SUFU: variants seen among roughly 807,000 people sequenced by gnomAD.
SUFU encodes SUFU negative regulator of hedgehog signaling.
A neutral mutation model predicts 58.9 loss-of-function variants in SUFU; 7 were observed. That is an observed-to-expected ratio of 0.12 (90% CI 0.07 to 0.22). SUFU has a LOEUF of 0.22. Among genes scored for constraint, SUFU ranks in the 10% least tolerant of loss-of-function variants. The pLI is 1.00. For synonymous variants in SUFU, 232 were observed against 254.8 expected, an observed-to-expected ratio of 0.91 and a Z score of 0.85; for missense variants, 451 against 641.3, an observed-to-expected ratio of 0.70 and a Z score of 3.20.
At position 102,630,226 on chromosome 10, in the gene SUFU, T is replaced by A; in HGVS notation, c.*71T>A. 8.1e-7 allele frequency: 1 copy of A among 1,233,142 alleles called. No individual in the cohort carries two copies. Among genetic ancestry groups the A allele is most frequent in the Admixed American group, 1.8e-5 (1 of 56,432 alleles). 76.4% of individuals were successfully genotyped at this position (1,233,142 alleles called of 1,614,324 possible). A position where few individuals can be genotyped will look rare whatever the true frequency, so the allele number is the denominator to read the frequency against. On this transcript the variant is annotated 3_prime_UTR_variant, in exon 12 of 12. Coordinates refer to ENST00000369902, the MANE Select transcript of SUFU (RefSeq NM_016169.4). ...CCAGTGACTTCCAGTGTAACAGTTGTGTCAACGAGATCTCCACAAATAAAA... is the reference window on the plus strand; with the variant it reads ...CCAGTGACTTCCAGTGTAACAGTTGAGTCAACGAGATCTCCACAAATAAAA...
intron 2 of SUFU, among the ~76,000 whole-genome samples, chr10:102,511,370 C>G: frequency 6.6e-6 from 1 of 151,588 alleles, no homozygotes; most frequent in Admixed American, 6.6e-5. Context: ...CTTTTTTGCC[C>G]CTTATACCAT....
intron 2 of SUFU, among the ~76,000 whole-genome samples, chr10:102,523,320 C>T (rs2062572581): frequency 6.6e-6 from 1 of 152,156 alleles, no homozygotes; most frequent in African/African-American, 2.4e-5. Context: ...TACCTGGGGC[C>T]TCTTGGAGCC....
At chr10:102,620,682 G>T (rs1053226214) in intron 10 of SUFU, among the ~76,000 whole-genome samples, 32 of 152,172 alleles carry the variant, frequency 2.1e-4, no homozygotes, top group African/African-American at 5.3e-4. Context: ...CAGACCCTGG[G>T]AGGGGGCCTG....
intron 6 of SUFU, among the ~76,000 whole-genome samples, chr10:102,595,202 G>A (rs2063449143): frequency 6.6e-6 from 1 of 152,234 alleles, no homozygotes; most frequent in Non-Finnish European, 1.5e-5. Context: ...AGTTCCATGT[G>A]TTAGAGCAAG....
chr10:102,504,126 C>G lies in SUFU; in HGVS notation c.-27C>G. On this transcript the variant is annotated 5_prime_UTR_variant, in exon 1 of 12. Transcript: ENST00000369902. ...TCCCCGTCGTTTGCCCTCTCCAGTT[C>G]CCCCAGTGCCTGCCCTACGCACCCC... is the stretch of plus-strand genomic sequence containing the variant. 1 of 1,530,452 alleles carries G rather than the reference C, an allele frequency of 6.5e-7. No homozygotes were observed. The highest frequency in any genetic ancestry group is 8.8e-7 in the Non-Finnish European group (1 of 1,142,288). The allele number at this position is 1,530,452 out of a possible 1,614,324, so 94.8% of individuals were successfully genotyped here. A position where few individuals can be genotyped will look rare whatever the true frequency, so the allele number is the denominator to read the frequency against.
intron 8 of SUFU, among the ~76,000 whole-genome samples, chr10:102,613,145 C>T (rs909086203): frequency 1.3e-5 from 2 of 152,278 alleles, no homozygotes; most frequent in East Asian, 1.9e-4. Context: ...TGAGGGGGGA[C>T]GCGTCACCCA....
Position 102,633,447 on chromosome 10 carries a change from T to G in SUFU, c.*3292T>G, listed in dbSNP as rs1174048932. Reference sequence around the variant, plus strand: ...TGTAATCTAAGTGCATTAAACATCTTTGCAGAAGTGCCTGGGTTGTGTGCT... The same window carrying G: ...TGTAATCTAAGTGCATTAAACATCTGTGCAGAAGTGCCTGGGTTGTGTGCT... On this transcript the variant is annotated 3_prime_UTR_variant, in exon 12 of 12. Coordinates refer to ENST00000369902, the MANE Select transcript of SUFU (RefSeq NM_016169.4). 3.0e-5 allele frequency: 7 copies of G among 229,868 alleles called. No homozygotes were observed. Among genetic ancestry groups the G allele is most frequent in the Non-Finnish European group, 6.0e-5 (7 of 115,838 alleles). The allele number at this position is 229,868 out of a possible 1,614,324, so 14.2% of individuals were successfully genotyped here.
At chr10:102,573,936 C>T (rs1394297372) in intron 3 of SUFU, among the ~76,000 whole-genome samples, 1 of 151,942 alleles carries the variant, frequency 6.6e-6, no homozygotes, top group Non-Finnish European at 1.5e-5. Flanking sequence ...TATGAATGTA[C>T]TTAATGCCAC....
intron 3 of SUFU, among the ~76,000 whole-genome samples, chr10:102,559,259 T>C (rs1343966465): frequency 2.0e-5 from 3 of 152,180 alleles, no homozygotes; most frequent in Non-Finnish European, 4.4e-5. Context: ...AAGGATGATA[T>C]TGGCTGGGAA....
chr10:102,546,740 G>A (rs2062859772), intron 2 of SUFU, among the ~76,000 whole-genome samples: 1 of 152,198 alleles, frequency 6.6e-6, no homozygotes, highest in African/African-American at 2.4e-5. Context: ...CCTGAGGCTG[G>A]GCCATTCCAA....
chr10:102,560,483 G>C (rs970635183), intron 3 of SUFU, among the ~76,000 whole-genome samples: 2 of 151,826 alleles, frequency 1.3e-5, no homozygotes, highest in African/African-American at 4.8e-5. Context: ...GCTGAGGCAC[G>C]AGAATTGCTT....
intron 4 of SUFU, among the ~76,000 whole-genome samples, 181 bp downstream of exon 4, chr10:102,592,905 G>C (rs1212952943): frequency 6.6e-6 from 1 of 152,202 alleles, no homozygotes; most frequent in Non-Finnish European, 1.5e-5. Flanking sequence ...TGCTGAGATG[G>C]GAGAGGGGAG....
chr10:102,551,296 C>T (rs2062912294), intron 3 of SUFU, among the ~76,000 whole-genome samples: 1 of 152,188 alleles, frequency 6.6e-6, no homozygotes, highest in Non-Finnish European at 1.5e-5. Flanking sequence ...TGTCAACACA[C>T]TGATTTCCAA....
chr10:102,583,671 C>A (rs7475335), intron 3 of SUFU, among the ~76,000 whole-genome samples: 39,773 of 152,000 alleles, frequency 0.26, 5,737 homozygotes, highest in South Asian at 0.35. Context: ...CTAAATAAAT[C>A]CCCACCCGGT....
At chr10:102,584,541 T>C (rs1352898973) in intron 3 of SUFU, among the ~76,000 whole-genome samples, 1 of 152,198 alleles carries the variant, frequency 6.6e-6, no homozygotes, top group Non-Finnish European at 1.5e-5. Context: ...CTTTAAACCT[T>C]GAACAGCTCT....
chr10:102,602,832 C>A (rs753201804), intron 8 of SUFU, among the ~76,000 whole-genome samples: 2 of 152,208 alleles, frequency 1.3e-5, no homozygotes, highest in Non-Finnish European at 2.9e-5. Context: ...CATTTCACAA[C>A]CCTTGCATTC....
intron 10 of SUFU, among the ~76,000 whole-genome samples, chr10:102,624,865 C>T (rs1381285313): frequency 2.6e-5 from 4 of 152,208 alleles, no homozygotes; most frequent in Non-Finnish European, 5.9e-5. Flanking sequence ...TTCCTGTCCT[C>T]CCTCCACCCC....
At chr10:102,582,867 T>C (rs938640964) in intron 3 of SUFU, among the ~76,000 whole-genome samples, 1 of 152,186 alleles carries the variant, frequency 6.6e-6, no homozygotes, top group Admixed American at 6.5e-5. Context: ...TTTCAGACAC[T>C]GGGTGCGGGG....
At chr10:102,515,633 A>G (rs1245686762) in intron 2 of SUFU, among the ~76,000 whole-genome samples, 5 of 152,028 alleles carry the variant, frequency 3.3e-5, no homozygotes, top group Non-Finnish European at 1.5e-5. Flanking sequence ...ACTTTTTAAC[A>G]TGTCGTTTCC....
Sources: allele counts gnomAD v4.1 joint callset (sites outside exome capture counted in the v4.1 genomes callset), GRCh38; gene constraint gnomAD v4.1.1; transcripts MANE v1.5; gene names NCBI Gene and HGNC (gene_info 2026-07-23, HGNC 2026-07-21).